The following HIVEP3 variants were observed in gnomAD, a reference collection of about 807,000 sequenced individuals.
HIVEP3 encodes HIVEP zinc finger 3.
A neutral mutation model predicts 152.8 loss-of-function variants in HIVEP3; 49 were observed. The observed-to-expected ratio is 0.32, with a 90% CI of 0.26 to 0.41. HIVEP3 has a LOEUF of 0.41. HIVEP3 is among the 10% of genes least tolerant of loss of function. The pLI is 1.00. For missense variants in HIVEP3, 2,790 were observed against 3,103.3 expected (o/e 0.90, Z 2.40); for synonymous variants, 1,269 against 1,289.0 (o/e 0.98, Z 0.33).
At chr1:41,723,098 T>G (rs1334867928) in intron 1 of HIVEP3, among the ~76,000 whole-genome samples, 5 of 152,114 alleles carry the variant, frequency 3.3e-5, no homozygotes, top group Admixed American at 6.5e-5. Context: ...CAGGTTTGTG[T>G]TCTAGAAAGA....
At chr1:41,830,266 C>T (rs1188222311) in intron 1 of HIVEP3, among the ~76,000 whole-genome samples, 1 of 137,318 alleles carries the variant, frequency 7.3e-6, no homozygotes, top group Non-Finnish European at 1.6e-5. Context: ...CCCTTCAGTG[C>T]CCATCCCATA....
intron 1 of HIVEP3, among the ~76,000 whole-genome samples, chr1:41,824,182 T>G (rs1173747522): frequency 3.9e-5 from 6 of 152,136 alleles, no homozygotes; most frequent in Non-Finnish European, 7.3e-5. Context: ...AAGAAACTGG[T>G]CCCAGGATAC....
chr1:41,740,037 G>A (rs2124203698), intron 1 of HIVEP3, among the ~76,000 whole-genome samples: 1 of 152,348 alleles, frequency 6.6e-6, no homozygotes, highest in Non-Finnish European at 1.5e-5. Context: ...TGGGATGAGA[G>A]GGTTGAAGTA....
intron 1 of HIVEP3, among the ~76,000 whole-genome samples, chr1:41,840,904 G>A (rs1643268428): frequency 6.6e-6 from 1 of 152,192 alleles, no homozygotes; most frequent in African/African-American, 2.4e-5. Flanking sequence ...AATATCAGAA[G>A]GGTTCCCAGA....
At chr1:41,779,358 C>T (rs1398814251) in intron 1 of HIVEP3, among the ~76,000 whole-genome samples, 1 of 152,166 alleles carries the variant, frequency 6.6e-6, no homozygotes, top group Non-Finnish European at 1.5e-5. Flanking sequence ...GTTTTCTCAA[C>T]TGGAAATGAG....
rs564523616 is a variant in HIVEP3 at position 41,944,649 on chromosome 1, T to C, written n.120-26125A>G. Among the ~76,000 whole-genome samples the C allele has an allele frequency of 4.3e-4, 65 of 152,244 alleles. 2 individuals are homozygous for C. In the South Asian group the frequency reaches 0.012, roughly 27 times the overall value. ...AATCCAGCAGCCCGGATCCCTTTCTTTGTGGTCAAGAAAGGCAGGAAAAGG... is the reference window on the plus strand; with the variant it reads ...AATCCAGCAGCCCGGATCCCTTTCTCTGTGGTCAAGAAAGGCAGGAAAAGG... On this transcript the variant is annotated intron_variant and non_coding_transcript_variant, in intron 1 of 3. Coordinates refer to the HIVEP3 transcript ENST00000489103.
At chr1:41,525,813 T>C (rs1046412685) in intron 5 of HIVEP3, among the ~76,000 whole-genome samples, 5 of 152,138 alleles carry the variant, frequency 3.3e-5, no homozygotes, top group African/African-American at 1.2e-4. Context: ...GGTCTAATGC[T>C]ATACATGTGC....
Position 41,575,664 on chromosome 1 carries a change from G to A in HIVEP3, c.5087C>T (p.Pro1696Leu), listed in dbSNP as rs146440117. 2.9e-5 allele frequency: 46 copies of A among 1,613,966 alleles called. No individual in the cohort carries two copies. The highest frequency in any genetic ancestry group is 1.6e-4 in the Middle Eastern group (1 of 6,062). The stretch of plus-strand genomic sequence containing the variant: ...TCTAGCTAGATCTTTCTGGCCTTCC[G>A]GGGAAACCAGTGAAGGGAGGTGAAC... ...TEVHLPSLVS[P>L]EGQKDLARVE... is the part of the protein sequence containing the mutation. Residue 1696 changes from proline (P) to leucine (L), a missense_variant, in exon 5 of 9, where the codon CCG becomes CTG. By Grantham distance (98) the Pro-to-Leu change is moderately conservative. Transcript: ENST00000372583.
At chr1:42,034,817 T>G (rs1342296423) in intron 1 of HIVEP3, among the ~76,000 whole-genome samples, 1 of 152,148 alleles carries the variant, frequency 6.6e-6, no homozygotes, top group Non-Finnish European at 1.5e-5. Flanking sequence ...TCCTCCTTTC[T>G]TGAATGAAGA....
At chr1:41,597,037 C>G (rs1444791770) in intron 3 of HIVEP3, among the ~76,000 whole-genome samples, 4 of 152,122 alleles carry the variant, frequency 2.6e-5, no homozygotes, top group African/African-American at 9.7e-5. Flanking sequence ...TAAATCATTT[C>G]CCTTGGATGA....
intron 7 of HIVEP3, among the ~76,000 whole-genome samples, chr1:41,514,883 T>C (rs780720110): frequency 6.6e-6 from 1 of 152,020 alleles, no homozygotes; most frequent in Non-Finnish European, 1.5e-5. Context: ...AAAGTGGGGG[T>C]TAGGGCTCTG....
chr1:41,912,074 T>A (rs111314992), intron 1 of HIVEP3, among the ~76,000 whole-genome samples: 3,308 of 152,220 alleles, frequency 0.022, 70 homozygotes, highest in Non-Finnish European at 0.026. Flanking sequence ...CAAACACGCA[T>A]AACTAGACAA....
At chr1:41,807,199 G>A (rs1650680391) in intron 1 of HIVEP3, among the ~76,000 whole-genome samples, 1 of 152,214 alleles carries the variant, frequency 6.6e-6, no homozygotes, top group South Asian at 2.1e-4. Flanking sequence ...GCTGCTGCAG[G>A]GCCGGCATGC....
In HIVEP3 at chr1:41,857,722, G is replaced by C. The variant is rs147465805; in HGVS notation, c.-801+60691C>G. Among the ~76,000 whole-genome samples, 698 of 152,286 alleles carry C rather than the reference G, an allele frequency of 4.6e-3. 3 individuals carry two copies. Among genetic ancestry groups the C allele is most frequent in the African/African-American group, 0.016 (665 of 41,546 alleles). On this transcript the variant is annotated intron_variant, in intron 1 of 8. Transcript: ENST00000372583. ...CTTGTAGATGGGAGTCCTGAGAAAAGGACTTGCTCAAAGTCATGCAGAAGG... is the reference window on the plus strand; with the variant it reads ...CTTGTAGATGGGAGTCCTGAGAAAACGACTTGCTCAAAGTCATGCAGAAGG...
chr1:41,656,392 T>C (rs936429782), intron 2 of HIVEP3, among the ~76,000 whole-genome samples: 1 of 152,192 alleles, frequency 6.6e-6, no homozygotes, highest in African/African-American at 2.4e-5. Flanking sequence ...ACACAGTAGT[T>C]AGTGGCAGTT....
At chr1:41,630,192 A>G (rs991523254) in intron 2 of HIVEP3, among the ~76,000 whole-genome samples, 1 of 152,224 alleles carries the variant, frequency 6.6e-6, no homozygotes, top group Non-Finnish European at 1.5e-5. Flanking sequence ...ATCAAATGCC[A>G]TGTGTTTTCA....
At chr1:41,518,178 C>T (rs1183311267) in intron 7 of HIVEP3, among the ~76,000 whole-genome samples, 1 of 152,176 alleles carries the variant, frequency 6.6e-6, no homozygotes, top group Non-Finnish European at 1.5e-5. Context: ...GGCTGCAGAG[C>T]ATATCCTATC....
intron 3 of HIVEP3, among the ~76,000 whole-genome samples, chr1:41,603,073 T>C (rs1182263297): frequency 1.3e-5 from 2 of 152,124 alleles, no homozygotes; most frequent in Non-Finnish European, 2.9e-5. Context: ...TTATTTTTAT[T>C]TTTTATTTTT....
At chr1:41,921,017 C>T (rs1414033745), upstream of HIVEP3, among the ~76,000 whole-genome samples, 1 of 152,156 alleles carries the variant, frequency 6.6e-6, no homozygotes, top group Non-Finnish European at 1.5e-5. Flanking sequence ...GAAAAAGCCT[C>T]CCAGAGTTAC....
Sources: allele counts gnomAD v4.1 joint callset (sites outside exome capture counted in the v4.1 genomes callset), GRCh38; gene constraint gnomAD v4.1.1; transcripts MANE v1.5; gene names NCBI Gene and HGNC (gene_info 2026-07-23, HGNC 2026-07-21).